Variants in UNC13C observed in about 807,000 individuals in gnomAD.
UNC13C encodes protein unc-13 homolog C.
Under a neutral mutation model 245.4 loss-of-function variants are expected in UNC13C, and 174 were observed. That is an observed-to-expected ratio of 0.71 (90% CI 0.63 to 0.80). The LOEUF (loss-of-function observed/expected upper bound fraction) is 0.80, where lower values mean the gene tolerates loss of function less well. Ranked by LOEUF, UNC13C falls within the 30% of genes least tolerant of loss-of-function variation. The pLI is 0.00. For synonymous variants in UNC13C, 992 were observed against 895.1 expected, an observed-to-expected ratio of 1.11 and a Z score of -1.93; for missense variants, 2,829 against 2,602.9, an observed-to-expected ratio of 1.09 and a Z score of -1.89.
At chr15:53,926,578 T>C in the UNC13C span, among the ~76,000 whole-genome samples, 1 of 152,156 alleles carries the variant, frequency 6.6e-6, no homozygotes, top group African/African-American at 2.4e-5. Context: ...GAGATAAGGA[T>C]ACAGGACACA....
chr15:53,917,099 A>G, the UNC13C span, among the ~76,000 whole-genome samples: 1 of 152,212 alleles, frequency 6.6e-6, no homozygotes, highest in African/African-American at 2.4e-5. Context: ...AATCCTGGTG[A>G]ATTTGTTTAA....
upstream of UNC13C, among the ~76,000 whole-genome samples, chr15:53,976,454 TCTTTC>T (rs1893699063): frequency 9.3e-6 from 1 of 107,324 alleles, no homozygotes; most frequent in Non-Finnish European, 2.2e-5. Flanking sequence ...TTTTTTTTCT[TCTTTC>T]TCTCTCTCTC....
At chr15:54,322,176 C>A in intron 14 of UNC13C, 81 bp downstream of exon 14, 1 of 1,329,522 alleles carries the variant, frequency 7.5e-7, no homozygotes, top group Non-Finnish European at 1.0e-6. Flanking sequence ...TTAAGATATT[C>A]CTGGAATCTT....
chr15:54,437,596 T>C (rs1284761447), intron 19 of UNC13C, among the ~76,000 whole-genome samples: 1 of 151,886 alleles, frequency 6.6e-6, no homozygotes, highest in Non-Finnish European at 1.5e-5. Context: ...AATGATACAA[T>C]AGCTTTTGAG....
intron 4 of UNC13C, among the ~76,000 whole-genome samples, chr15:54,169,204 G>T (rs2033293320): frequency 6.6e-6 from 1 of 152,166 alleles, no homozygotes; most frequent in South Asian, 2.1e-4. Flanking sequence ...CCAAAAGAAT[G>T]TTGGAATTAC....
At chr15:54,629,850 T>G (rs1225749141), downstream of UNC13C, 2 of 152,216 alleles carry the variant, frequency 1.3e-5, no homozygotes, top group African/African-American at 2.4e-5. Flanking sequence ...GTATACAATA[T>G]ATATCAAAGC....
At chr15:54,585,897 G>A (rs1178965253) in intron 30 of UNC13C, among the ~76,000 whole-genome samples, 5 of 152,174 alleles carry the variant, frequency 3.3e-5, no homozygotes, top group African/African-American at 1.2e-4. Flanking sequence ...AATTCCCTTA[G>A]TAATTGGGGT....
At chr15:53,959,280 GT>G in the UNC13C span, among the ~76,000 whole-genome samples, 160 of 148,244 alleles carry the variant, frequency 1.1e-3, no homozygotes, top group African/African-American at 3.2e-3. Context: ...TAGATATACT[GT>G]TTTTTTTTTC....
At chr15:54,263,705 A>G (rs1182750317) in intron 8 of UNC13C, among the ~76,000 whole-genome samples, 2 of 152,100 alleles carry the variant, frequency 1.3e-5, no homozygotes, top group South Asian at 2.1e-4. Flanking sequence ...CTTACATTCT[A>G]TTTTAATGTT....
At chr15:54,533,199 A>G in intron 26 of UNC13C, 133 bp downstream of exon 26, 1 of 626,768 alleles carries the variant, frequency 1.6e-6, no homozygotes, top group Non-Finnish European at 2.6e-6. Context: ...GAATTCAAAG[A>G]TAAATAAATA....
At chr15:54,016,025 T>G in intron 2 of UNC13C, 139 bp downstream of exon 2, 1 of 751,586 alleles carries the variant, frequency 1.3e-6, no homozygotes, top group Non-Finnish European at 2.1e-6. Context: ...GAGGAGCATT[T>G]TGTTTTACTC....
chr15:54,234,928 C>A, intron 4 of UNC13C, 102 bp from the exon 5 acceptor site: 1 of 973,918 alleles, frequency 1.0e-6, no homozygotes, highest in Non-Finnish European at 1.6e-6. Context: ...CTATGGTATC[C>A]AGGTCATCTT....
intron 17 of UNC13C, among the ~76,000 whole-genome samples, chr15:54,346,571 G>A (rs1395918049): frequency 6.6e-6 from 1 of 152,188 alleles, no homozygotes; most frequent in Admixed American, 6.5e-5. Context: ...GAGGGATTTT[G>A]AAGAACCATA....
chr15:54,553,096 T>G (rs867655580), intron 28 of UNC13C, among the ~76,000 whole-genome samples: 1 of 101,432 alleles, frequency 9.9e-6, no homozygotes, highest in African/African-American at 3.8e-5. Context: ...TTACAATATA[T>G]AATATATATT....
chr15:54,411,152 A>G (rs1196022926), intron 18 of UNC13C, among the ~76,000 whole-genome samples: 1 of 152,066 alleles, frequency 6.6e-6, no homozygotes, highest in Admixed American at 6.6e-5. Context: ...TCTCTGCTGA[A>G]GTGTCATTCA....
intron 2 of UNC13C, among the ~76,000 whole-genome samples, chr15:54,042,561 C>A (rs1896850040): frequency 6.6e-6 from 1 of 152,182 alleles, no homozygotes; most frequent in Non-Finnish European, 1.5e-5. Context: ...GGCTTAGAAA[C>A]CACTTACTGA....
At chr15:54,460,047 G>A (rs190640300) in intron 19 of UNC13C, among the ~76,000 whole-genome samples, 316 of 152,158 alleles carry the variant, frequency 2.1e-3, no homozygotes, top group Non-Finnish European at 3.2e-3. Context: ...ACAGATCTGC[G>A]GCTCAAACTC....
intron 2 of UNC13C, among the ~76,000 whole-genome samples, chr15:54,024,893 C>T (rs1215938446): frequency 1.3e-5 from 2 of 151,554 alleles, no homozygotes; most frequent in Non-Finnish European, 2.9e-5. Context: ...TCAGCCTGGG[C>T]GTCAGAGAGA....
At chr15:54,444,305 C>CAT (rs200088721) in intron 19 of UNC13C, among the ~76,000 whole-genome samples, 1 of 150,284 alleles carries the variant, frequency 6.7e-6, no homozygotes, top group Non-Finnish European at 1.5e-5. Flanking sequence ...AAATATATGT[C>CAT]ATATATATAC....
Sources: allele counts gnomAD v4.1 joint callset (sites outside exome capture counted in the v4.1 genomes callset), GRCh38; gene constraint gnomAD v4.1.1; transcripts MANE v1.5; gene names NCBI Gene and HGNC (gene_info 2026-07-23, HGNC 2026-07-21).